Variants in ZRANB3 observed in about 807,000 individuals in gnomAD.
The protein encoded by ZRANB3 is zinc finger RANBP2-type containing 3.
ZRANB3 carries 125 observed loss-of-function variants against 133.8 expected under a neutral mutation model. The observed-to-expected ratio is 0.93, with a 90% CI of 0.81 to 1.08. ZRANB3 has a LOEUF of 1.08. ZRANB3 is among the 50% of genes least tolerant of loss of function. ZRANB3 has a pLI of 0.00. For synonymous variants in ZRANB3, 387 were observed against 432.7 expected (o/e 0.89, Z 1.31); for missense variants, 1,229 against 1,275.5 (o/e 0.96, Z 0.56).
At chr2:135,406,494 CA>C (rs1422802459) in intron 2 of ZRANB3, among the ~76,000 whole-genome samples, 1 of 152,086 alleles carries the variant, frequency 6.6e-6, no homozygotes, top group Non-Finnish European at 1.5e-5. Flanking sequence ...ATTCTGATAC[CA>C]AAGCCTAGCA....
At chr2:135,270,239 A>G (rs16831506) in intron 10 of ZRANB3, among the ~76,000 whole-genome samples, 17,247 of 152,182 alleles carry the variant, frequency 0.11, 1,243 homozygotes, top group South Asian at 0.32. Context: ...ATTTAAGGAG[A>G]GACATCTTTA....
chr2:135,505,820 C>T (rs552726445), intron 1 of ZRANB3, among the ~76,000 whole-genome samples: 12 of 152,114 alleles, frequency 7.9e-5, no homozygotes, highest in Non-Finnish European at 1.2e-4. Context: ...ATAAATATGA[C>T]GGTTTTTCTT....
intron 2 of ZRANB3, among the ~76,000 whole-genome samples, chr2:135,409,812 G>C (rs185463119): frequency 1.1e-4 from 17 of 152,240 alleles, no homozygotes; most frequent in Non-Finnish European, 1.6e-4. Flanking sequence ...AAAATCAGTA[G>C]CATTTCTATA....
In ZRANB3 at chr2:135,262,286, G is replaced by T. The variant is rs572901553; in HGVS notation, c.1539+3248C>A. Among the ~76,000 whole-genome samples the T allele has an allele frequency of 4.7e-5, 7 of 150,382 alleles. No individual in the cohort carries two copies. The East Asian group carries it at 1.2e-3, about 25-fold the overall frequency. ...AATATTCTAGAAAAAAATTGTACTA[G>T]ACCTCCAAATAAGATAATTAAAAAT... is the stretch of plus-strand genomic sequence containing the variant. On this transcript the variant is annotated intron_variant, in intron 12 of 20. Transcript: ENST00000264159.
At chr2:135,361,991 G>A (rs892605332) in intron 3 of ZRANB3, among the ~76,000 whole-genome samples, 1 of 152,064 alleles carries the variant, frequency 6.6e-6, no homozygotes, top group Non-Finnish European at 1.5e-5. Flanking sequence ...GAGGTCAGAA[G>A]ATGGAGACCA....
At chr2:135,474,149 C>T (rs1017326024) in intron 2 of ZRANB3, among the ~76,000 whole-genome samples, 1 of 152,170 alleles carries the variant, frequency 6.6e-6, no homozygotes, top group Middle Eastern at 3.4e-3. Flanking sequence ...CATGATAGCA[C>T]CCCTGCACTC....
chr2:135,507,081 C>A (rs944397728), intron 1 of ZRANB3, among the ~76,000 whole-genome samples: 2 of 152,180 alleles, frequency 1.3e-5, no homozygotes, highest in Non-Finnish European at 2.9e-5. Flanking sequence ...AGCAGTGAAA[C>A]TGAAAAGATT....
intron 3 of ZRANB3, among the ~76,000 whole-genome samples, chr2:135,356,858 C>T (rs1685460838): frequency 6.6e-6 from 1 of 152,020 alleles, no homozygotes; most frequent in Non-Finnish European, 1.5e-5. Context: ...GCATGTGCCA[C>T]CATGCCCAGC....
At chr2:135,343,163 G>A (rs1409021779) in intron 6 of ZRANB3, among the ~76,000 whole-genome samples, 1 of 139,124 alleles carries the variant, frequency 7.2e-6, no homozygotes, top group Non-Finnish European at 1.5e-5. Flanking sequence ...TCCAGACTGG[G>A]CAACAGAGTG....
At chr2:135,345,356 T>A (rs1372715344) in intron 6 of ZRANB3, 194 bp downstream of exon 6, 1 of 452,998 alleles carries the variant, frequency 2.2e-6, no homozygotes, top group African/African-American at 2.0e-5. Context: ...TAATCCCAGC[T>A]ACTCAGGAGG....
At chr2:135,390,667 T>A in intron 3 of ZRANB3, 135 bp downstream of exon 3, 117 of 852,008 alleles carry the variant, frequency 1.4e-4, no homozygotes, top group Non-Finnish European at 1.8e-4. Flanking sequence ...CTCCTCACCC[T>A]CCCATCTTTC....
intron 2 of ZRANB3, among the ~76,000 whole-genome samples, chr2:135,396,051 C>T (rs1281920395): frequency 1.3e-5 from 2 of 152,060 alleles, no homozygotes; most frequent in African/African-American, 4.8e-5. Flanking sequence ...ATACAAAGGG[C>T]AAACAGTTAT....
intron 3 of ZRANB3, among the ~76,000 whole-genome samples, chr2:135,384,606 C>G (rs1481912745): frequency 2.0e-5 from 3 of 152,276 alleles, no homozygotes; most frequent in African/African-American, 7.2e-5. Flanking sequence ...AAAATACTGG[C>G]AAACCGAATC....
At chr2:135,251,755 C>T (rs184533463) in intron 12 of ZRANB3, among the ~76,000 whole-genome samples, 263 of 152,168 alleles carry the variant, frequency 1.7e-3, no homozygotes, top group African/African-American at 6.0e-3. Context: ...CCTCTTTTTC[C>T]GCTGGGCATG....
chr2:135,464,915 T>A (rs1248044200), intron 2 of ZRANB3, among the ~76,000 whole-genome samples: 1 of 152,214 alleles, frequency 6.6e-6, no homozygotes, highest in Non-Finnish European at 1.5e-5. Flanking sequence ...GAATGCCATA[T>A]AGTTAGAAGC....
At chr2:135,451,694 A>C (rs1690279723) in intron 2 of ZRANB3, among the ~76,000 whole-genome samples, 2 of 152,180 alleles carry the variant, frequency 1.3e-5, no homozygotes, top group Non-Finnish European at 2.9e-5. Context: ...ACTGACCAAC[A>C]ATGAGGAGGA....
At chr2:135,508,947 T>G (rs1297610691) in intron 1 of ZRANB3, among the ~76,000 whole-genome samples, 1 of 151,622 alleles carries the variant, frequency 6.6e-6, no homozygotes, top group Non-Finnish European at 1.5e-5. Flanking sequence ...AGTTCAAAGG[T>G]TTAACTTAAA....
At chr2:135,269,568 A>C (rs1680413391) in intron 10 of ZRANB3, among the ~76,000 whole-genome samples, 1 of 152,178 alleles carries the variant, frequency 6.6e-6, no homozygotes, top group Non-Finnish European at 1.5e-5. Context: ...AAGCAAGAAA[A>C]CAACGTCTCT....
intron 8 of ZRANB3, among the ~76,000 whole-genome samples, chr2:135,279,496 T>C (rs544425855): frequency 6.6e-6 from 1 of 152,358 alleles, no homozygotes; most frequent in South Asian, 2.1e-4. Flanking sequence ...TAAAGAGCTA[T>C]ATTTACTGTG....
Sources: gnomAD v4.1 joint callset for allele counts (sites outside exome capture counted in the v4.1 genomes callset) on GRCh38, gnomAD v4.1.1 for gene constraint, MANE v1.5 for transcripts, NCBI Gene and HGNC (gene_info 2026-07-23, HGNC 2026-07-21) for gene names.